The following PCDHGA4 variants were observed in gnomAD, a reference collection of about 807,000 sequenced individuals.
PCDHGA4 encodes protocadherin gamma subfamily A, 4.
PCDHGA4 carries 38 observed loss-of-function variants against 54.6 expected under a neutral mutation model. That is an observed-to-expected ratio of 0.70 (90% CI 0.54 to 0.91). The LOEUF (loss-of-function observed/expected upper bound fraction) is 0.91, where lower values mean the gene tolerates loss of function less well. Ranked by LOEUF, PCDHGA4 falls within the 40% of genes least tolerant of loss-of-function variation. The pLI, the probability that PCDHGA4 is intolerant of heterozygous loss-of-function variation, is 0.00. For synonymous variants in PCDHGA4, 511 were observed against 512.9 expected (o/e 1.00, Z 0.05); for missense variants, 1,298 against 1,220.9 (o/e 1.06, Z -0.94).
At chr5:141,405,488 C>T (rs781076927) in intron 1 of PCDHGA4, 5 of 895,936 alleles carry the variant, frequency 5.6e-6, no homozygotes, top group Middle Eastern at 2.9e-4. Context: ...GGTGTGATCT[C>T]GGCTCATTGC....
At chr5:141,417,821 A>C in intron 1 of PCDHGA4, 3 of 1,515,060 alleles carry the variant, frequency 2.0e-6, no homozygotes, top group Non-Finnish European at 1.8e-6. Context: ...ACTTTCTCCA[A>C]CTGGAAAAGC....
Position 141,420,946 on chromosome 5 carries a change from A to G in PCDHGA4, c.2514+63325A>G, listed in dbSNP as rs1561791007. 5 of 400,268 alleles carry G rather than the reference A, an allele frequency of 1.2e-5. No homozygotes were observed. In the East Asian group the frequency reaches 1.7e-4, roughly 14 times the overall value. The allele number at this position is 400,268 out of a possible 1,614,324, so 24.8% of individuals were successfully genotyped here. A position where few individuals can be genotyped will look rare whatever the true frequency, so the allele number is the denominator to read the frequency against. ...AGGTGAGCGTAATCATTTCTTCTGG[A>G]ATTTCTTAGTCGTTGCAATAATAAG... On this transcript the variant is annotated intron_variant, in intron 1 of 3. Coordinates refer to ENST00000571252, the MANE Select transcript of PCDHGA4 (RefSeq NM_018917.4).
At chr5:141,374,081 G>A (rs1588729709) in intron 1 of PCDHGA4, 1 of 1,524,542 alleles carries the variant, frequency 6.6e-7, no homozygotes. Flanking sequence ...TAATAAGCCA[G>A]TAATGGCGCC....
intron 1 of PCDHGA4, chr5:141,403,713 A>G (rs2094445702): frequency 2.5e-6 from 4 of 1,613,946 alleles, no homozygotes; most frequent in Non-Finnish European, 2.5e-6. Flanking sequence ...GTCCTTGAGA[A>G]CGTGCCCCCA....
At chr5:141,400,904 T>C (rs958521699) in intron 1 of PCDHGA4, among the ~76,000 whole-genome samples, 14 of 152,250 alleles carry the variant, frequency 9.2e-5, no homozygotes, top group African/African-American at 3.4e-4. Context: ...TAATTCATCT[T>C]TTAAAGCAAA....
At chr5:141,363,452 C>G (rs1031596870) in intron 1 of PCDHGA4, among the ~76,000 whole-genome samples, 2 of 152,196 alleles carry the variant, frequency 1.3e-5, no homozygotes, top group Non-Finnish European at 2.9e-5. Context: ...CAGTACTTCT[C>G]GACAAGTATC....
chr5:141,409,480 C>A, intron 1 of PCDHGA4: 1 of 1,614,002 alleles, frequency 6.2e-7, no homozygotes, highest in Non-Finnish European at 8.5e-7. Flanking sequence ...TAGCCACTGA[C>A]AGGGGCAAGC....
chr5:141,396,134 A>G (rs970824771), intron 1 of PCDHGA4: 1 of 152,226 alleles, frequency 6.6e-6, no homozygotes, highest in East Asian at 1.9e-4. Context: ...CACAAGTTCT[A>G]AATAAGCTGA....
chr5:141,459,311 T>A (rs1298312167), intron 1 of PCDHGA4, among the ~76,000 whole-genome samples: 1 of 152,250 alleles, frequency 6.6e-6, no homozygotes, highest in Non-Finnish European at 1.5e-5. Flanking sequence ...TATACTATTT[T>A]GTATCCATCT....
chr5:141,370,484 C>G (rs750551260), intron 1 of PCDHGA4: 1 of 1,613,866 alleles, frequency 6.2e-7, no homozygotes, highest in African/African-American at 1.3e-5. Context: ...AGGCTCTCTC[C>G]GAACCGATCC....
intron 1 of PCDHGA4, among the ~76,000 whole-genome samples, chr5:141,369,259 A>G (rs1009841286): frequency 6.6e-6 from 1 of 152,214 alleles, no homozygotes; most frequent in African/African-American, 2.4e-5. Flanking sequence ...TAATATAATT[A>G]TAAGGACTTA....
At position 141,503,509 on chromosome 5, in the gene PCDHGA4, G is replaced by A. The variant is rs373282648; in HGVS notation, c.2574-1884G>A. ...AGCTGCTCAAGAGGCTGAGGCAGGA[G>A]AATCACTTGAACCTGGGAGGCAGAG... On this transcript the variant is annotated intron_variant, in intron 2 of 3. Transcript: ENST00000571252. Among the ~76,000 whole-genome samples the A allele has an allele frequency of 9.4e-5, 14 of 149,410 alleles. No individual in the cohort carries two copies. The South Asian group carries it at 1.5e-3, about 16-fold the overall frequency.
At chr5:141,419,086 C>G (rs2096324558) in intron 1 of PCDHGA4, 1 of 1,613,808 alleles carries the variant, frequency 6.2e-7, no homozygotes, top group African/African-American at 1.3e-5. Context: ...CAGATGAGGC[C>G]CTGGATCGGG....
rs754747902 is a variant in PCDHGA4 at position 141,417,898 on chromosome 5, G to T, written c.2514+60277G>T. The T allele has an allele frequency of 5.5e-5, 87 of 1,579,262 alleles. 1 individual carries two copies. The South Asian group carries it at 7.8e-4, about 14-fold the overall frequency. The stretch of plus-strand genomic sequence containing the variant: ...GCGCGCAGAGGCGCCGGGCCGGCCC[G>T]CGGCAGGTACTATTTCCTTTGCTGC... On this transcript the variant is annotated intron_variant, in intron 1 of 3. Coordinates refer to ENST00000571252, the MANE Select transcript of PCDHGA4 (RefSeq NM_018917.4).
At chr5:141,374,613 A>G (rs1770655332) in intron 1 of PCDHGA4, 1 of 1,613,396 alleles carries the variant, frequency 6.2e-7, no homozygotes, top group African/African-American at 1.3e-5. Flanking sequence ...GGTAATAGTC[A>G]CTTCTCAGTG....
intron 1 of PCDHGA4, among the ~76,000 whole-genome samples, chr5:141,464,203 T>G (rs2099077714): frequency 6.6e-6 from 1 of 150,780 alleles, no homozygotes; most frequent in South Asian, 2.1e-4. Flanking sequence ...AGGCGGAGAT[T>G]GCAGTGAGCT....
chr5:141,395,086 C>A, intron 1 of PCDHGA4: 1 of 1,614,166 alleles, frequency 6.2e-7, no homozygotes, highest in Non-Finnish European at 8.5e-7. Context: ...CAGGAAGTCT[C>A]CCTCACCGCC....
At chr5:141,409,396 C>A in intron 1 of PCDHGA4, 1 of 1,614,004 alleles carries the variant, frequency 6.2e-7, no homozygotes, top group Non-Finnish European at 8.5e-7. Flanking sequence ...ATTCTTCTTC[C>A]AATAACTACT....
rs567061101 is a variant in PCDHGA4 at position 141,432,791 on chromosome 5, C to T, written c.2515-62016C>T. The T allele has an allele frequency of 2.7e-5, 44 of 1,614,064 alleles. No homozygotes were observed. Among genetic ancestry groups the T allele is most frequent in the Admixed American group, 8.3e-5 (5 of 60,034 alleles). On this transcript the variant is annotated intron_variant, in intron 1 of 3. Coordinates refer to ENST00000571252, the MANE Select transcript of PCDHGA4 (RefSeq NM_018917.4). The surrounding 1 kb of genome is among the most constrained non-coding windows in gnomAD (Gnocchi z 6.0). ...CCAAGTCCTGGCGGACCTCGGCAGC[C>T]TCGAGTCTCCAGCTAACTCTGAAAC... is the stretch of plus-strand genomic sequence containing the variant.
Sources: allele counts gnomAD v4.1 joint callset (sites outside exome capture counted in the v4.1 genomes callset), GRCh38; gene constraint gnomAD v4.1.1; non-coding constraint Gnocchi (gnomAD v3.1); transcripts MANE v1.5; gene names NCBI Gene and HGNC (gene_info 2026-07-23, HGNC 2026-07-21).